ZNF831: variants seen among roughly 807,000 people sequenced by gnomAD.
ZNF831 encodes the protein chromosome 20 open reading frame 174.
ZNF831 carries 59 observed loss-of-function variants against 95.8 expected under a neutral mutation model. That is an observed-to-expected ratio of 0.62 (90% CI 0.50 to 0.77). ZNF831 has a LOEUF of 0.77. Among genes scored for constraint, ZNF831 ranks in the 30% least tolerant of loss-of-function variants. ZNF831 has a pLI of 0.00. For missense variants in ZNF831, 2,205 were observed against 2,164.0 expected, an observed-to-expected ratio of 1.02 and a Z score of -0.38; for synonymous variants, 961 against 925.5, an observed-to-expected ratio of 1.04 and a Z score of -0.70.
chr20:59,202,265 TA>T (rs201279850), intron 3 of ZNF831, among the ~76,000 whole-genome samples: 1,872 of 151,886 alleles, frequency 0.012, 15 homozygotes, highest in African/African-American at 0.025. Context: ...TTTATTTAAT[TA>T]TTTTTTTAAT....
rs139326382 is a variant in ZNF831 at position 59,177,257 on chromosome 20, C to T, written c.-37+13050C>T. ...ATCCATAATTTCAGGTCATTAGGTA[C>T]CCAGACATTGTTCTCTCCATTTTGC... On this transcript the variant is annotated intron_variant, in intron 1 of 5. Coordinates refer to ENST00000371030, the MANE Select transcript of ZNF831 (RefSeq NM_178457.3). 4.1e-3 allele frequency among the ~76,000 whole-genome samples: 623 copies of T among 152,296 alleles called. 7 individuals are homozygous for T. The highest frequency in any genetic ancestry group is 0.014 in the African/African-American group (581 of 41,550).
At chr20:59,183,476 A>T (rs918230855) in intron 1 of ZNF831, among the ~76,000 whole-genome samples, 1 of 152,204 alleles carries the variant, frequency 6.6e-6, no homozygotes, top group Non-Finnish European at 1.5e-5. Flanking sequence ...TATTTGAAAA[A>T]TTTTAATAGG....
At chr20:59,163,628 T>G (rs117682630), upstream of ZNF831, among the ~76,000 whole-genome samples, 195 of 152,258 alleles carry the variant, frequency 1.3e-3, 2 homozygotes, top group East Asian at 0.035. Context: ...GCAATGTTTT[T>G]TTGCACACCT....
intron 1 of ZNF831, among the ~76,000 whole-genome samples, chr20:59,138,172 A>G (rs1363353793): frequency 6.6e-6 from 1 of 152,240 alleles, no homozygotes; most frequent in Non-Finnish European, 1.5e-5. Context: ...TGGCATTGCA[A>G]TGTTTGTTCA....
At chr20:59,148,709 AAAAAAAAAAAAAAAAG>A (rs770588926) in intron 2 of ZNF831, among the ~76,000 whole-genome samples, 4 of 88,092 alleles carry the variant, frequency 4.5e-5, no homozygotes, top group Non-Finnish European at 1.0e-4. Flanking sequence ...AAAAAAAAAA[AAAAAAAAAAAAAAAAG>A]AACAGAGCGT....
chr20:59,195,962 C>T lies in ZNF831; in HGVS notation c.3832C>T (p.Arg1278Cys), dbSNP rs776539508. ...KGLPWRAKMS[R>C]GNSKQRKLKI... is the part of the protein sequence containing the mutation. ...CCTGCCTTGGAGGGCAAAGATGTCTCGTGGGAACAGCAAGCAGAGAAAACT... is the reference window on the plus strand; with the variant it reads ...CCTGCCTTGGAGGGCAAAGATGTCTTGTGGGAACAGCAAGCAGAGAAAACT... The change falls in exon 3 of 6, where the codon CGT (arginine) becomes TGT (cysteine). Residue 1278 changes from arginine to cysteine, a missense_variant. By Grantham distance (180) the Arg-to-Cys change is radical. Coordinates refer to ENST00000371030, the MANE Select transcript of ZNF831 (RefSeq NM_178457.3). 1.5e-5 allele frequency: 25 copies of T among 1,614,110 alleles called. No individual in the cohort carries two copies. The highest frequency in any genetic ancestry group is 4.4e-5 in the South Asian group (4 of 91,074).
intron 1 of ZNF831, among the ~76,000 whole-genome samples, chr20:59,144,130 G>C (rs543123107): frequency 4.6e-5 from 7 of 152,166 alleles, no homozygotes; most frequent in Non-Finnish European, 1.0e-4. Flanking sequence ...AGGCAGGCTA[G>C]CTTTCTCTTT....
intron 4 of ZNF831, among the ~76,000 whole-genome samples, chr20:59,209,098 C>T (rs1021618993): frequency 7.9e-4 from 120 of 152,166 alleles, no homozygotes; most frequent in East Asian, 1.9e-4. Context: ...GCTCAGATGC[C>T]ACCGGGAACG....
At chr20:59,135,842 T>G (rs1188868410) in intron 1 of ZNF831, among the ~76,000 whole-genome samples, 1 of 152,146 alleles carries the variant, frequency 6.6e-6, no homozygotes, top group Admixed American at 6.5e-5. Context: ...GTGGCCACAG[T>G]TACTTTTGCA....
At chr20:59,134,775 G>T (rs1979452657) in intron 1 of ZNF831, among the ~76,000 whole-genome samples, 2 of 152,210 alleles carry the variant, frequency 1.3e-5, no homozygotes, top group South Asian at 4.1e-4. Flanking sequence ...AGCCACATGG[G>T]TTGGGGTGGA....
At chr20:59,223,324 C>G (rs2146679202) in intron 4 of ZNF831, among the ~76,000 whole-genome samples, 1 of 152,316 alleles carries the variant, frequency 6.6e-6, no homozygotes, top group East Asian at 1.9e-4. Flanking sequence ...ACCAGGACTC[C>G]CGGACCCTTC....
chr20:59,232,148 C>T (rs142851251), intron 4 of ZNF831, among the ~76,000 whole-genome samples: 33 of 152,266 alleles, frequency 2.2e-4, no homozygotes, highest in African/African-American at 5.5e-4. Context: ...TCTCACTTTC[C>T]GTTACAGCAA....
intron 4 of ZNF831, among the ~76,000 whole-genome samples, chr20:59,229,585 C>T (rs1487045190): frequency 6.6e-6 from 1 of 152,166 alleles, no homozygotes; most frequent in Non-Finnish European, 1.5e-5. Flanking sequence ...CAATTTAGAA[C>T]ACATTTGCTA....
chr20:59,252,520 A>G (rs1247738253), intron 4 of ZNF831, among the ~76,000 whole-genome samples: 3 of 152,154 alleles, frequency 2.0e-5, no homozygotes, highest in East Asian at 3.9e-4. Flanking sequence ...ACAAAAGCCA[A>G]CCTCATCCCT....
intron 4 of ZNF831, among the ~76,000 whole-genome samples, chr20:59,219,670 G>A (rs534019241): frequency 5.9e-5 from 9 of 152,262 alleles, no homozygotes; most frequent in East Asian, 5.8e-4. Flanking sequence ...ACCGAAGGCC[G>A]TCACTCTTTA....
At chr20:59,229,212 T>C (rs530316718) in intron 4 of ZNF831, among the ~76,000 whole-genome samples, 5 of 152,376 alleles carry the variant, frequency 3.3e-5, no homozygotes, top group African/African-American at 1.2e-4. Context: ...CATCCAGGTA[T>C]GGGCTCTTAG....
In ZNF831 at chr20:59,158,529, C is replaced by T. The variant is rs1179716260; in HGVS notation, c.-1280-1123C>T. ...CCCACTGAACCACAGGTGATGGTGA[C>T]GTGGATTGTCTGTTTTCTCTTTCTC... On this transcript the variant is annotated intron_variant, in intron 2 of 7. Transcript: ENST00000637017. Among the ~76,000 whole-genome samples, 4 of 152,180 alleles carry T rather than the reference C, an allele frequency of 2.6e-5. No homozygotes were observed. The East Asian group carries it at 5.8e-4, about 22-fold the overall frequency.
rs1235014602 is a variant in ZNF831 at position 59,252,963 on chromosome 20, C to T, written c.4028-15C>T. The T allele has an allele frequency of 1.2e-6, 2 of 1,611,212 alleles. No homozygotes were observed. The highest frequency in any genetic ancestry group is 1.3e-5 in the African/African-American group (1 of 74,866). On this transcript the variant is annotated splice_polypyrimidine_tract_variant and intron_variant, in intron 4 of 5. Transcript: ENST00000371030. ...ATAATTCCAGTCATATGTAAATGTG[C>T]CTCTCCCCTTGCAGGTCTGAATCTG...
intron 3 of ZNF831, among the ~76,000 whole-genome samples, chr20:59,199,041 G>GCCCACCCACCCA (rs1183076582): frequency 2.2e-5 from 3 of 136,182 alleles, no homozygotes; most frequent in Non-Finnish European, 4.7e-5. Context: ...CTGTCCATCT[G>GCCCACCCACCCA]CCCACCCACC....
Sources: allele counts gnomAD v4.1 joint callset (sites outside exome capture counted in the v4.1 genomes callset), GRCh38; gene constraint gnomAD v4.1.1; transcripts MANE v1.5; gene names NCBI Gene and HGNC (gene_info 2026-07-23, HGNC 2026-07-21).